The following FSTL5 variants were observed in gnomAD, a reference collection of about 807,000 sequenced individuals.
FSTL5 encodes follistatin like 5.
A neutral mutation model predicts 89.1 loss-of-function variants in FSTL5; 62 were observed. The ratio of observed to expected loss-of-function variants is 0.70; its 90% CI spans 0.57 to 0.86. The LOEUF is 0.86. Among genes scored for constraint, FSTL5 ranks in the 40% least tolerant of loss-of-function variants. FSTL5 has a pLI of 0.00. For missense variants in FSTL5, 1,057 were observed against 1,001.6 expected, an observed-to-expected ratio of 1.06 and a Z score of -0.75; for synonymous variants, 383 against 346.2, an observed-to-expected ratio of 1.11 and a Z score of -1.18.
intron 1 of FSTL5, among the ~76,000 whole-genome samples, chr4:162,124,888 A>G (rs1414969946): frequency 6.6e-6 from 1 of 152,168 alleles, no homozygotes. Context: ...TATTTTCAGT[A>G]GAGACGGGTT....
intron 4 of FSTL5, among the ~76,000 whole-genome samples, chr4:161,914,042 CA>C (rs1481303917): frequency 6.6e-6 from 1 of 151,958 alleles, no homozygotes; most frequent in Non-Finnish European, 1.5e-5. Context: ...TTGGAGGGAC[CA>C]GGGGTGGAAT....
intron 1 of FSTL5, among the ~76,000 whole-genome samples, chr4:162,130,484 G>A (rs916525341): frequency 1.2e-4 from 18 of 152,084 alleles, no homozygotes; most frequent in Admixed American, 5.9e-4. Context: ...TTTTTCAAAT[G>A]ACTATTAGTC....
chr4:161,820,716 T>A (rs1730464161), intron 4 of FSTL5, among the ~76,000 whole-genome samples: 1 of 152,158 alleles, frequency 6.6e-6, no homozygotes, highest in Non-Finnish European at 1.5e-5. Flanking sequence ...TTTAAAGTCA[T>A]GTATTGAGAA....
intron 7 of FSTL5, among the ~76,000 whole-genome samples, chr4:161,636,569 G>C (rs148799775): frequency 0.049 from 7,217 of 147,650 alleles, 577 homozygotes; most frequent in African/African-American, 0.17. Flanking sequence ...GCACTAACTC[G>C]TCATCTAGCA....
At chr4:161,598,716 A>C (rs1386767299) in intron 7 of FSTL5, among the ~76,000 whole-genome samples, 1 of 152,128 alleles carries the variant, frequency 6.6e-6, no homozygotes, top group Non-Finnish European at 1.5e-5. Context: ...ATAGCATGGC[A>C]AATTAGTAGA....
In FSTL5 at chr4:161,813,244, T is replaced by C. The variant is rs11932695; in HGVS notation, c.410-37170A>G. On this transcript the variant is annotated intron_variant, in intron 4 of 15. Coordinates refer to ENST00000306100, the MANE Select transcript of FSTL5 (RefSeq NM_020116.5). ...CGGGGTTTCACCGTGTTAGCAAGGA[T>C]GGTCTCTATCTCCTGACCTCGTGAT... Among the ~76,000 whole-genome samples the C allele has an allele frequency of 6.5e-3, 984 of 152,174 alleles. 10 individuals carry two copies. Among genetic ancestry groups the C allele is most frequent in the African/African-American group, 0.022 (926 of 41,526 alleles).
intron 6 of FSTL5, among the ~76,000 whole-genome samples, chr4:161,665,843 A>G (rs1276054486): frequency 1.3e-5 from 2 of 152,022 alleles, no homozygotes; most frequent in African/African-American, 2.4e-5. Flanking sequence ...ACACTCACAG[A>G]TGCAAGGAGT....
In FSTL5 at chr4:161,814,460, C is replaced by T. The variant is rs189166731; in HGVS notation, c.410-38386G>A. Among the ~76,000 whole-genome samples, 61 of 152,244 alleles carry T rather than the reference C, an allele frequency of 4.0e-4. 2 individuals carry two copies. The East Asian group carries it at 0.012, about 29-fold the overall frequency. ...AACATTTCAATGTTTGAACTGATTA[C>T]ATTGGCATTATTTATTTTAAATGTA... On this transcript the variant is annotated intron_variant, in intron 4 of 15. Coordinates refer to ENST00000306100, the MANE Select transcript of FSTL5 (RefSeq NM_020116.5).
intron 7 of FSTL5, among the ~76,000 whole-genome samples, chr4:161,643,289 A>T (rs1736031644): frequency 6.6e-6 from 1 of 152,082 alleles, no homozygotes. Context: ...TTTCTCTCTC[A>T]AGTCTGTGGC....
intron 12 of FSTL5, among the ~76,000 whole-genome samples, chr4:161,486,249 T>G (rs1013638350): frequency 1.3e-5 from 2 of 152,076 alleles, no homozygotes; most frequent in Non-Finnish European, 2.9e-5. Context: ...GCTGGTATTA[T>G]GAAGAACACA....
At chr4:161,740,389 A>T (rs1431042980) in intron 6 of FSTL5, among the ~76,000 whole-genome samples, 1 of 152,112 alleles carries the variant, frequency 6.6e-6, no homozygotes, top group Non-Finnish European at 1.5e-5. Context: ...GTTTAAGGAG[A>T]ATTTTTATAT....
intron 2 of FSTL5, among the ~76,000 whole-genome samples, chr4:162,090,324 G>C (rs1730496313): frequency 1.3e-5 from 2 of 151,778 alleles, no homozygotes; most frequent in African/African-American, 4.8e-5. Context: ...CAAAATGAGA[G>C]GAAACTTCTG....
At chr4:161,670,283 C>G (rs1737053578) in intron 6 of FSTL5, among the ~76,000 whole-genome samples, 1 of 152,086 alleles carries the variant, frequency 6.6e-6, no homozygotes, top group Non-Finnish European at 1.5e-5. Context: ...ATACCCATTT[C>G]CTATATGTTA....
intron 3 of FSTL5, among the ~76,000 whole-genome samples, chr4:162,023,347 A>C (rs945709033): frequency 5.9e-5 from 9 of 152,162 alleles, no homozygotes; most frequent in African/African-American, 2.4e-5. Context: ...TACTACATCT[A>C]AGTTAAAAAC....
At chr4:162,123,174 A>C (rs997617049) in intron 1 of FSTL5, among the ~76,000 whole-genome samples, 1 of 152,258 alleles carries the variant, frequency 6.6e-6, no homozygotes, top group East Asian at 1.9e-4. Context: ...ACCTACATTT[A>C]TTGTACAAGA....
intron 4 of FSTL5, among the ~76,000 whole-genome samples, chr4:161,912,643 G>A (rs909951153): frequency 6.6e-6 from 1 of 152,132 alleles, no homozygotes; most frequent in African/African-American, 2.4e-5. Flanking sequence ...TCAACAGCGT[G>A]AAAATGAACT....
chr4:161,837,825 A>AGGGG (rs1731093874), intron 4 of FSTL5, among the ~76,000 whole-genome samples: 1 of 152,158 alleles, frequency 6.6e-6, no homozygotes, highest in African/African-American at 2.4e-5. Flanking sequence ...TTATGCATTT[A>AGGGG]ATACCCTTTA....
intron 12 of FSTL5, among the ~76,000 whole-genome samples, chr4:161,491,030 T>C (rs949790425): frequency 5.3e-5 from 8 of 152,122 alleles, no homozygotes; most frequent in Non-Finnish European, 1.0e-4. Flanking sequence ...AAAAGGCACG[T>C]TATCTTTGTC....
intron 4 of FSTL5, among the ~76,000 whole-genome samples, chr4:161,811,919 G>A (rs1032280361): frequency 2.0e-5 from 3 of 152,212 alleles, no homozygotes; most frequent in Middle Eastern, 3.4e-3. Context: ...TCCGAGGATC[G>A]CTATTCCCAA....
Sources: gnomAD v4.1 joint callset for allele counts (sites outside exome capture counted in the v4.1 genomes callset) on GRCh38, gnomAD v4.1.1 for gene constraint, MANE v1.5 for transcripts, NCBI Gene and HGNC (gene_info 2026-07-23, HGNC 2026-07-21) for gene names.